ACSM4: variants seen among roughly 807,000 people sequenced by gnomAD.
The protein encoded by ACSM4 is acyl-coenzyme A synthetase ACSM4, mitochondrial.
ACSM4 carries 66 observed loss-of-function variants against 73.0 expected under a neutral mutation model. The observed-to-expected ratio is 0.90, with a 90% CI of 0.74 to 1.11. The LOEUF (loss-of-function observed/expected upper bound fraction) is 1.11, where lower values mean the gene tolerates loss of function less well. Ranked by LOEUF, ACSM4 falls within the 50% of genes least tolerant of loss-of-function variation. ACSM4 has a pLI of 0.00. For synonymous variants in ACSM4, 222 were observed against 254.0 expected (o/e 0.87, Z 1.20); for missense variants, 645 against 714.4 (o/e 0.90, Z 1.11).
In ACSM4 at chr12:7,328,341, G is replaced by A. The variant is rs756126335; in HGVS notation, c.1711G>A (p.Val571Ile). Residue 571 changes from valine (V) to isoleucine (I), a missense_variant, in exon 13 of 13, where the codon GTT becomes ATT. Val to Ile is a conservative substitution (Grantham distance 29). Transcript: ENST00000399422. ...AATCACTGGGAAAATCAAACGCAAC[G>A]TTTTAAGAGACCAAGAATGGAGAGG... Reference protein sequence around the residue: ...KTITGKIKRNVLRDQEWRGR With the variant: ...KTITGKIKRNILRDQEWRGR The A allele has an allele frequency of 1.3e-5, 20 of 1,594,664 alleles. No homozygotes were observed. Among genetic ancestry groups the A allele is most frequent in the Middle Eastern group, 1.7e-4 (1 of 6,048 alleles).
chr12:7,328,272 T>C lies in ACSM4; in HGVS notation c.1657-15T>C. 6.4e-7 allele frequency: 1 copy of C among 1,564,356 alleles called. No homozygotes were observed. Among genetic ancestry groups the C allele is most frequent in the East Asian group, 2.3e-5 (1 of 42,670 alleles). ...TGGAATCAAGTGTCTCATCACGTTT[T>C]TTTCTGTCAATTAGGTGGAATTTGT... On this transcript the variant is annotated splice_polypyrimidine_tract_variant and intron_variant, in intron 12 of 12. Coordinates refer to ENST00000399422, the MANE Select transcript of ACSM4 (RefSeq NM_001080454.2).
chr12:7,315,708 TC>T (rs764552184), intron 3 of ACSM4, among the ~76,000 whole-genome samples: 84 of 152,306 alleles, frequency 5.5e-4, no homozygotes, highest in Admixed American at 1.6e-3. Context: ...TAACAAACCA[TC>T]CCAGCACTTA....
At chr12:7,316,439 A>G (rs1053356386) in intron 3 of ACSM4, among the ~76,000 whole-genome samples, 1 of 152,232 alleles carries the variant, frequency 6.6e-6, no homozygotes, top group Non-Finnish European at 1.5e-5. Context: ...AAGAAAATAT[A>G]TTCCATTAAA....
chr12:7,317,349 C>G (rs948110074), intron 4 of ACSM4, 69 bp downstream of exon 4: 166 of 1,461,222 alleles, frequency 1.1e-4, no homozygotes, highest in Middle Eastern at 3.5e-4. Flanking sequence ...ATCCAACTAA[C>G]TGATACTTCT....
chr12:7,314,836 T>C (rs370788397), intron 3 of ACSM4, among the ~76,000 whole-genome samples: 1 of 152,304 alleles, frequency 6.6e-6, no homozygotes, highest in African/African-American at 2.4e-5. Context: ...TCTTTTTCTA[T>C]TTTAAGGGGA....
chr12:7,310,440 A>C, intron 2 of ACSM4, 99 bp from the exon 3 acceptor site: 2 of 1,196,864 alleles, frequency 1.7e-6, no homozygotes, highest in Non-Finnish European at 2.4e-6. Flanking sequence ...AGGTAGCTGA[A>C]GAATGGATTG....
Position 7,308,310 on chromosome 12 carries a change from T to C in ACSM4, c.412+1567T>C, listed in dbSNP as rs115754794. The stretch of plus-strand genomic sequence containing the variant: ...ATATGTAATATTGCTTAACATGTTA[T>C]GAAATGTATAAAATAATAGTGAAAA... On this transcript the variant is annotated intron_variant, in intron 2 of 12. Transcript: ENST00000399422. Among the ~76,000 whole-genome samples the C allele has an allele frequency of 8.6e-3, 1,311 of 152,288 alleles. 17 individuals are homozygous for C. The highest frequency in any genetic ancestry group is 0.03 in the African/African-American group (1,238 of 41,578).
rs1259109746 is a variant in ACSM4, at chr12:7,306,584, G to A, written c.253G>A (p.Asp85Asn). Reference protein sequence around the residue: ...PALWWVNGKGDEVKWSFRELG... With the variant: ...PALWWVNGKGNEVKWSFRELG... ...CCTGTGGTGGGTGAATGGCAAAGGGGATGAGGTAAAATGGAGCTTCAGAGA... is the reference window on the plus strand; with the variant it reads ...CCTGTGGTGGGTGAATGGCAAAGGGAATGAGGTAAAATGGAGCTTCAGAGA... The change falls in exon 2 of 13, where the codon GAT becomes AAT. Residue 85 changes from aspartate to asparagine, a missense_variant. Coordinates refer to ENST00000399422, the MANE Select transcript of ACSM4 (RefSeq NM_001080454.2). 1.9e-6 allele frequency: 3 copies of A among 1,602,310 alleles called. No individual in the cohort carries two copies. In the Admixed American group the frequency reaches 5.1e-5, roughly 27 times the overall value.
rs749458180 is a variant in ACSM4 at position 7,324,408 on chromosome 12, T to C, written c.1436+8T>C. 3.1e-6 allele frequency: 5 copies of C among 1,614,108 alleles called. 1 individual carries two copies. Among genetic ancestry groups the C allele is most frequent in the South Asian group, 2.2e-5 (2 of 91,078 alleles). On this transcript the variant is annotated splice_region_variant and intron_variant, in intron 10 of 12. Coordinates refer to ENST00000399422, the MANE Select transcript of ACSM4 (RefSeq NM_001080454.2). ...TGTCATTATATCCTCTGGGTTTGTA[T>C]ATTTGCCACTCTGAAGAGGTAACAA...
chr12:7,313,448 C>A (rs761092190), intron 3 of ACSM4, among the ~76,000 whole-genome samples: 1 of 152,158 alleles, frequency 6.6e-6, no homozygotes, highest in Non-Finnish European at 1.5e-5. Flanking sequence ...CTACACACAG[C>A]AATAATGTGG....
intron 2 of ACSM4, 104 bp downstream of exon 2, chr12:7,306,847 CAAAAAAA>C (rs59277746): frequency 1.2e-5 from 6 of 486,640 alleles, no homozygotes; most frequent in South Asian, 9.2e-5. Flanking sequence ...ATACAGAAGA[CAAAAAAA>C]AAAAAAAAAA....
At chr12:7,305,791 G>T (rs1946358531) in intron 1 of ACSM4, among the ~76,000 whole-genome samples, 1 of 152,216 alleles carries the variant, frequency 6.6e-6, no homozygotes, top group Admixed American at 6.5e-5. Context: ...GGGCTTTAAA[G>T]TATTTGCCAG....
intron 2 of ACSM4, 65 bp from the exon 3 acceptor site, chr12:7,310,474 C>A: frequency 6.7e-7 from 1 of 1,486,662 alleles, no homozygotes; most frequent in Non-Finnish European, 9.1e-7. Context: ...CACCGAGGCA[C>A]AAAGCCCAAG....
In ACSM4 at chr12:7,320,777, G is replaced by A. The variant is rs967346814; in HGVS notation, c.974G>A (p.Arg325Gln). The stretch of plus-strand genomic sequence containing the variant: ...CTGTGCAGTCCTCCCACTGTGTACC[G>A]GATGCTCGTGCAAAAAGACCTTAAG... ...TTLCSPPTVYRMLVQKDLKRY... is the reference protein window; with the variant it reads ...TTLCSPPTVYQMLVQKDLKRY... Residue 325 changes from arginine to glutamine, a missense_variant, in exon 6 of 13, where the codon CGG becomes CAG. Coordinates refer to ENST00000399422, the MANE Select transcript of ACSM4 (RefSeq NM_001080454.2). The A allele has an allele frequency of 8.1e-6, 13 of 1,613,500 alleles. No individual in the cohort carries two copies. The highest frequency in any genetic ancestry group is 4.0e-5 in the African/African-American group (3 of 74,958).
Position 7,322,424 on chromosome 12 carries a change from A to G in ACSM4, c.1008A>G (p.Lys336=). 1 of 1,613,732 alleles carries G rather than the reference A, an allele frequency of 6.2e-7. No homozygotes were observed. The highest frequency in any genetic ancestry group is 8.5e-7 in the Non-Finnish European group (1 of 1,179,800). Residue 336 remains lysine, a synonymous_variant, in exon 7 of 13, where the codon AAA becomes AAG. Coordinates refer to ENST00000399422, the MANE Select transcript of ACSM4 (RefSeq NM_001080454.2). ...MLVQKDLKRY[K]FKSLRHCLTG... Reference sequence around the variant, plus strand: ...TGCAACTCTGTCTCTCCAGATATAAATTCAAGAGTCTGCGGCACTGCTTGA... The same window carrying G: ...TGCAACTCTGTCTCTCCAGATATAAGTTCAAGAGTCTGCGGCACTGCTTGA...
Position 7,309,319 on chromosome 12 carries a change from A to G in ACSM4, c.413-1220A>G, listed in dbSNP as rs1946377727. ...CTCACCAGCTCTGACCAAATCTCAC[A>G]TTCCGTCAATGGGCACAACCACATG... is the stretch of plus-strand genomic sequence containing the variant. On this transcript the variant is annotated intron_variant, in intron 2 of 12. Coordinates refer to ENST00000399422, the MANE Select transcript of ACSM4 (RefSeq NM_001080454.2). 2.0e-5 allele frequency among the ~76,000 whole-genome samples: 3 copies of G among 152,198 alleles called. No individual in the cohort carries two copies. In the South Asian group the frequency reaches 6.2e-4, roughly 31 times the overall value.
intron 6 of ACSM4, among the ~76,000 whole-genome samples, chr12:7,321,569 T>C (rs752537213): frequency 6.6e-6 from 1 of 152,324 alleles, no homozygotes; most frequent in South Asian, 2.1e-4. Context: ...AACATCAGCA[T>C]CTTGTTCACA....
chr12:7,310,777 C>T lies in ACSM4; in HGVS notation c.620+31C>T, dbSNP rs1234204365. 4 of 1,584,948 alleles carry T rather than the reference C, an allele frequency of 2.5e-6. No individual in the cohort carries two copies. The African/African-American group carries it at 4.0e-5, about 16-fold the overall frequency. ...TATTTTTCCCAGCCAATCTACACTG[C>T]TGGCAACAACACAAATTATAGCTAT... On this transcript the variant is annotated intron_variant, in intron 3 of 12. Transcript: ENST00000399422.
At chr12:7,313,116 C>A (rs1417412297) in intron 3 of ACSM4, among the ~76,000 whole-genome samples, 2 of 152,158 alleles carry the variant, frequency 1.3e-5, no homozygotes, top group African/African-American at 4.8e-5. Flanking sequence ...CTTCTCTACC[C>A]TAGTTGCCTT....
Sources: gnomAD v4.1 joint callset for allele counts (sites outside exome capture counted in the v4.1 genomes callset) on GRCh38, gnomAD v4.1.1 for gene constraint, MANE v1.5 for transcripts, NCBI Gene and HGNC (gene_info 2026-07-23, HGNC 2026-07-21) for gene names.